Variants in CACNA2D3 observed in about 807,000 individuals in gnomAD.
CACNA2D3 encodes the protein voltage-dependent calcium channel subunit alpha-2/delta-3.
In CACNA2D3, 60 loss-of-function variants were observed where a neutral mutation model predicts 160.6. That is an observed-to-expected ratio of 0.37 (90% CI 0.30 to 0.46). The LOEUF (loss-of-function observed/expected upper bound fraction) is 0.46, where lower values mean the gene tolerates loss of function less well. CACNA2D3 is among the 20% of genes least tolerant of loss of function. The pLI is 1.00. For missense variants in CACNA2D3, 1,205 were observed against 1,365.0 expected, an observed-to-expected ratio of 0.88 and a Z score of 1.85; for synonymous variants, 558 against 492.9, an observed-to-expected ratio of 1.13 and a Z score of -1.75.
chr3:54,335,855 T>G (rs1318708541), intron 3 of CACNA2D3, among the ~76,000 whole-genome samples: 1 of 149,728 alleles, frequency 6.7e-6, no homozygotes, highest in Non-Finnish European at 1.5e-5. Flanking sequence ...TAACAAAAAA[T>G]TAACCAGCTG....
intron 14 of CACNA2D3, among the ~76,000 whole-genome samples, chr3:54,835,613 G>T (rs1698660674): frequency 6.6e-6 from 1 of 152,166 alleles, no homozygotes; most frequent in Non-Finnish European, 1.5e-5. Context: ...TAGATTGAGG[G>T]AGCAATGCCT....
chr3:54,238,149 T>C (rs1559892020), intron 2 of CACNA2D3, among the ~76,000 whole-genome samples: 2 of 152,236 alleles, frequency 1.3e-5, no homozygotes, highest in Non-Finnish European at 2.9e-5. Context: ...ACATTGTCTG[T>C]AGCATAATTT....
At chr3:54,517,143 A>G (rs1281105681) in intron 5 of CACNA2D3, among the ~76,000 whole-genome samples, 10 of 152,152 alleles carry the variant, frequency 6.6e-5, no homozygotes, top group Admixed American at 6.5e-4. Context: ...AGGCTCAAGA[A>G]GGTTAGTTAT....
chr3:54,724,794 A>G (rs1701244949), intron 11 of CACNA2D3, among the ~76,000 whole-genome samples: 2 of 152,328 alleles, frequency 1.3e-5, no homozygotes, highest in East Asian at 1.9e-4. Flanking sequence ...AATTTATAGC[A>G]TTAAATGCCC....
intron 31 of CACNA2D3, among the ~76,000 whole-genome samples, chr3:54,999,207 C>T (rs893866104): frequency 5.9e-5 from 9 of 152,140 alleles, no homozygotes; most frequent in Admixed American, 6.5e-5. Flanking sequence ...ATGACTGATA[C>T]GAGCAGGAGA....
chr3:55,020,382 T>C (rs2107160813), intron 35 of CACNA2D3, among the ~76,000 whole-genome samples: 1 of 149,094 alleles, frequency 6.7e-6, no homozygotes, highest in East Asian at 1.9e-4. Context: ...GTGATTCTAT[T>C]TTCATAAAAT....
rs1698550419 is a variant in CACNA2D3, at chr3:54,350,987, T to TTTTTTTTTTTTTG, written c.321+30441_321+30442insGTTTTTTTTTTTT. On this transcript the variant is annotated intron_variant, in intron 3 of 37. Coordinates refer to ENST00000474759, the MANE Select transcript of CACNA2D3 (RefSeq NM_018398.3). The stretch of plus-strand genomic sequence containing the variant: ...GAGTCTGTTTTTTTTTTTTTGTTTG[T>TTTTTTTTTTTTTG]TTTTTTTTTTTTTTTTTTTGAGACA... 1.0e-4 allele frequency among the ~76,000 whole-genome samples: 3 copies of TTTTTTTTTTTTTG among 28,784 alleles called. 1 individual carries two copies. Among genetic ancestry groups the TTTTTTTTTTTTTG allele is most frequent in the African/African-American group, 1.6e-4 (1 of 6,236 alleles). 18.9% of individuals were successfully genotyped at this position (28,784 alleles called of 152,430 possible).
chr3:54,580,091 C>G (rs1260117495), intron 8 of CACNA2D3, among the ~76,000 whole-genome samples: 3 of 151,930 alleles, frequency 2.0e-5, no homozygotes, highest in Non-Finnish European at 4.4e-5. Flanking sequence ...ACTCCACCAC[C>G]CCTCACTTAC....
intron 13 of CACNA2D3, among the ~76,000 whole-genome samples, chr3:54,800,346 T>C (rs774036781): frequency 1.4e-4 from 22 of 152,210 alleles, no homozygotes; most frequent in Non-Finnish European, 2.2e-4. Flanking sequence ...CAAATTTCCA[T>C]CTGGTTCTAC....
chr3:54,778,202 A>G (rs1373624407), intron 13 of CACNA2D3, among the ~76,000 whole-genome samples: 1 of 151,940 alleles, frequency 6.6e-6, no homozygotes, highest in Admixed American at 6.6e-5. Flanking sequence ...ATGACCACTC[A>G]CTCACTGTGA....
intron 2 of CACNA2D3, among the ~76,000 whole-genome samples, chr3:54,131,684 G>C (rs1160215350): frequency 6.6e-6 from 1 of 152,162 alleles, no homozygotes; most frequent in Non-Finnish European, 1.5e-5. Context: ...AATTAAGGCA[G>C]TGTATGTTAT....
At chr3:54,328,361 C>T (rs1405687982) in intron 3 of CACNA2D3, among the ~76,000 whole-genome samples, 2 of 152,072 alleles carry the variant, frequency 1.3e-5, no homozygotes, top group Admixed American at 1.3e-4. Context: ...GGCTCACTGC[C>T]ACCTCCGCCT....
At chr3:54,404,064 C>T (rs1699526699) in intron 4 of CACNA2D3, among the ~76,000 whole-genome samples, 1 of 152,120 alleles carries the variant, frequency 6.6e-6, no homozygotes, top group African/African-American at 2.4e-5. Context: ...CATTTTCAAA[C>T]AAGAATTACT....
chr3:54,978,001 C>T (rs1031850091), intron 29 of CACNA2D3, among the ~76,000 whole-genome samples: 5 of 152,158 alleles, frequency 3.3e-5, no homozygotes, highest in South Asian at 2.1e-4. Context: ...ATCTTCCTGA[C>T]GTTGCCATGG....
At chr3:54,227,096 AT>A (rs1410299974) in intron 2 of CACNA2D3, among the ~76,000 whole-genome samples, 1 of 152,222 alleles carries the variant, frequency 6.6e-6, no homozygotes, top group East Asian at 1.9e-4. Flanking sequence ...CATTGTGAAG[AT>A]GGCAGAACAT....
intron 27 of CACNA2D3, among the ~76,000 whole-genome samples, chr3:54,907,960 C>T (rs1331667556): frequency 6.6e-6 from 1 of 152,202 alleles, no homozygotes; most frequent in African/African-American, 2.4e-5. Context: ...ACATTTAGCA[C>T]ATCCATTCAT....
chr3:54,553,109 C>T (rs1331880128), intron 5 of CACNA2D3, among the ~76,000 whole-genome samples: 1 of 152,122 alleles, frequency 6.6e-6, no homozygotes, highest in Non-Finnish European at 1.5e-5. Flanking sequence ...GAAAATGGCT[C>T]CAGCTTTGTG....
At chr3:54,685,871 A>T (rs1379614958) in intron 11 of CACNA2D3, among the ~76,000 whole-genome samples, 1 of 152,166 alleles carries the variant, frequency 6.6e-6, no homozygotes, top group Non-Finnish European at 1.5e-5. Context: ...TTCCTACTAT[A>T]ATCATTAACT....
intron 27 of CACNA2D3, among the ~76,000 whole-genome samples, chr3:54,922,160 G>C (rs913674806): frequency 6.6e-6 from 1 of 152,092 alleles, no homozygotes. Flanking sequence ...ACTGGAATGG[G>C]CCGTAGGAAC....
Sources: gnomAD v4.1 joint callset for allele counts (sites outside exome capture counted in the v4.1 genomes callset) on GRCh38, gnomAD v4.1.1 for gene constraint, MANE v1.5 for transcripts, NCBI Gene and HGNC (gene_info 2026-07-23, HGNC 2026-07-21) for gene names.